Variants in ADAMTS18 observed in about 807,000 individuals in gnomAD.
The protein encoded by ADAMTS18 is ADAM metallopeptidase with thrombospondin type 1 motif 18.
In ADAMTS18, 157 loss-of-function variants were observed where a neutral mutation model predicts 165.9. The observed-to-expected ratio is 0.95, with a 90% CI of 0.83 to 1.08. ADAMTS18 has a LOEUF of 1.08. Ranked by LOEUF, ADAMTS18 falls within the 50% of genes least tolerant of loss-of-function variation. The pLI, the probability that ADAMTS18 is intolerant of heterozygous loss-of-function variation, is 0.00. For synonymous variants in ADAMTS18, 782 were observed against 578.2 expected, an observed-to-expected ratio of 1.35 and a Z score of -5.06; for missense variants, 2,040 against 1,534.0, an observed-to-expected ratio of 1.33 and a Z score of -5.51.
At chr16:77,338,447 G>C (rs925372657) in intron 11 of ADAMTS18, among the ~76,000 whole-genome samples, 25 of 151,866 alleles carry the variant, frequency 1.6e-4, no homozygotes, top group African/African-American at 5.8e-4. Flanking sequence ...ATGTTGACCA[G>C]TGTAGTCTCG....
intron 3 of ADAMTS18, among the ~76,000 whole-genome samples, chr16:77,379,187 C>T (rs951518509): frequency 9.9e-5 from 15 of 152,264 alleles, no homozygotes; most frequent in African/African-American, 3.4e-4. Flanking sequence ...TCTCATGAGG[C>T]GCCTTCTTGG....
chr16:77,288,302 A>G (rs1387814348), intron 22 of ADAMTS18, among the ~76,000 whole-genome samples: 4 of 152,058 alleles, frequency 2.6e-5, no homozygotes, highest in Admixed American at 2.6e-4. Context: ...GAAATCACTG[A>G]TAGTCTGGAA....
chr16:77,368,201 A>G (rs1231769606), intron 3 of ADAMTS18, among the ~76,000 whole-genome samples: 1 of 152,110 alleles, frequency 6.6e-6, no homozygotes, highest in African/African-American at 2.4e-5. Context: ...AATTGAAGCT[A>G]AGATAGTAAG....
chr16:77,359,548 GGA>G (rs879218640), intron 7 of ADAMTS18, 125 bp from the exon 8 acceptor site: 20,471 of 624,608 alleles, frequency 0.033, 952 homozygotes, highest in African/African-American at 0.22. Context: ...CAGTGTTTTT[GGA>G]AAAAAAAAAA....
intron 2 of ADAMTS18, among the ~76,000 whole-genome samples, chr16:77,433,048 T>G (rs2057757163): frequency 6.6e-6 from 1 of 152,084 alleles, no homozygotes; most frequent in South Asian, 2.1e-4. Flanking sequence ...GTTTTTCCCC[T>G]CTCTTAACCT....
chr16:77,354,084 G>C (rs2056594789), intron 9 of ADAMTS18, among the ~76,000 whole-genome samples, 198 bp from the exon 10 acceptor site: 1 of 152,148 alleles, frequency 6.6e-6, no homozygotes, highest in Non-Finnish European at 1.5e-5. Flanking sequence ...CAGCCAGGAA[G>C]GGTTTTACAG....
intron 16 of ADAMTS18, among the ~76,000 whole-genome samples, chr16:77,308,660 C>T (rs1039031852): frequency 2.0e-5 from 3 of 151,784 alleles, no homozygotes; most frequent in African/African-American, 7.3e-5. Flanking sequence ...AGGCCTTTTC[C>T]ATATTGCTTA....
At chr16:77,354,034 T>C in intron 9 of ADAMTS18, 148 bp from the exon 10 acceptor site, 1 of 994,046 alleles carries the variant, frequency 1.0e-6, no homozygotes. Flanking sequence ...TCTATGTTTA[T>C]GCCAAAGAGT....
intron 3 of ADAMTS18, among the ~76,000 whole-genome samples, chr16:77,409,579 C>G (rs1201495960): frequency 1.3e-5 from 2 of 152,166 alleles, no homozygotes; most frequent in Non-Finnish European, 2.9e-5. Flanking sequence ...AGATCAAAAA[C>G]CATGTGCTCT....
chr16:77,391,477 G>C (rs528690412), intron 3 of ADAMTS18, among the ~76,000 whole-genome samples: 5 of 146,484 alleles, frequency 3.4e-5, no homozygotes, highest in Non-Finnish European at 6.0e-5. Context: ...GGGCAACAGC[G>C]CAAGACTCAG....
intron 3 of ADAMTS18, among the ~76,000 whole-genome samples, chr16:77,409,833 C>T (rs990932006): frequency 1.3e-5 from 2 of 152,022 alleles, no homozygotes; most frequent in Non-Finnish European, 2.9e-5. Context: ...AAAAAAAAGG[C>T]ACCAATGTAT....
intron 16 of ADAMTS18, among the ~76,000 whole-genome samples, chr16:77,313,692 C>A (rs962513403): frequency 2.0e-5 from 3 of 152,114 alleles, no homozygotes; most frequent in African/African-American, 4.8e-5. Context: ...ACCCCTGTTT[C>A]CCTATTCAGG....
chr16:77,325,578 T>A (rs1270050626), intron 13 of ADAMTS18, among the ~76,000 whole-genome samples: 2 of 151,876 alleles, frequency 1.3e-5, no homozygotes, highest in Non-Finnish European at 2.9e-5. Context: ...GGAGACTTAA[T>A]TGCCAAAATG....
At chr16:77,349,325 G>A (rs1300654447) in intron 10 of ADAMTS18, among the ~76,000 whole-genome samples, 3 of 151,860 alleles carry the variant, frequency 2.0e-5, no homozygotes, top group Non-Finnish European at 1.5e-5. Context: ...TGCCCACAAG[G>A]AGATTCCTAG....
rs564066025 is a variant in ADAMTS18 at position 77,383,993 on chromosome 16, G to A, written c.496-16270C>T. 1.4e-4 allele frequency among the ~76,000 whole-genome samples: 22 copies of A among 152,208 alleles called. No homozygotes were observed. The South Asian group carries it at 4.6e-3, about 32-fold the overall frequency. ...CCCATAACAGCCTTTATCATGACAT[G>A]AGAGTGCCACACGCAGCTGTTTCCT... On this transcript the variant is annotated intron_variant, in intron 3 of 22. Coordinates refer to ENST00000282849, the MANE Select transcript of ADAMTS18 (RefSeq NM_199355.4).
chr16:77,332,676 T>C (rs1183109559), intron 12 of ADAMTS18, among the ~76,000 whole-genome samples: 1 of 152,142 alleles, frequency 6.6e-6, no homozygotes, highest in African/African-American at 2.4e-5. Context: ...ATGTTTCATG[T>C]GGGAGTTAGA....
intron 3 of ADAMTS18, among the ~76,000 whole-genome samples, chr16:77,422,007 C>A (rs2057609155): frequency 6.6e-6 from 1 of 152,140 alleles, no homozygotes; most frequent in Non-Finnish European, 1.5e-5. Flanking sequence ...TTGGCTAATG[C>A]AATTTATGTA....
At chr16:77,401,053 T>G (rs1283509746) in intron 3 of ADAMTS18, among the ~76,000 whole-genome samples, 1 of 151,850 alleles carries the variant, frequency 6.6e-6, no homozygotes, top group Non-Finnish European at 1.5e-5. Context: ...GTCAGGAGTT[T>G]GAGACCAGCC....
intron 21 of ADAMTS18, chr16:77,290,982 A>AAGACTCGAGTGGTAGTTTCCGTC: frequency 2.1e-6 from 1 of 483,084 alleles, no homozygotes. Context: ...GACCAACATT[A>AAGACTCGAGTGGTAGTTTCCGTC]GCAGTGTATA....
Sources: allele counts gnomAD v4.1 joint callset (sites outside exome capture counted in the v4.1 genomes callset), GRCh38; gene constraint gnomAD v4.1.1; transcripts MANE v1.5; gene names NCBI Gene and HGNC (gene_info 2026-07-23, HGNC 2026-07-21).